The following MIS18A variants were observed in gnomAD, a reference collection of about 807,000 sequenced individuals.
The protein encoded by MIS18A is MIS18 kinetochore protein A.
In MIS18A, 14 loss-of-function variants were observed where a neutral mutation model predicts 25.0. The ratio of observed to expected loss-of-function variants is 0.56; its 90% confidence interval spans 0.37 to 0.88. The LOEUF (loss-of-function observed/expected upper bound fraction) is 0.88, where lower values mean the gene tolerates loss of function less well. MIS18A is among the 40% of genes least tolerant of loss of function. MIS18A has a pLI of 0.00. For missense variants in MIS18A, 292 were observed against 290.8 expected (o/e 1.00, Z -0.03); for synonymous variants, 134 against 118.6 (o/e 1.13, Z -0.84).
intron 2 of MIS18A, among the ~76,000 whole-genome samples, chr21:32,274,242 T>C (rs928653238): frequency 1.4e-5 from 2 of 144,282 alleles, no homozygotes; most frequent in Non-Finnish European, 3.0e-5. Context: ...AGTCTTTCTC[T>C]GTTGCCCAGG....
At chr21:32,237,764 C>A in the MIS18A span, among the ~76,000 whole-genome samples, 1 of 152,094 alleles carries the variant, frequency 6.6e-6, no homozygotes, top group Non-Finnish European at 1.5e-5. Context: ...GAAAAATGAT[C>A]ATTTTAATTA....
At chr21:32,267,354 C>T (rs2031624684), downstream of MIS18A, among the ~76,000 whole-genome samples, 1 of 152,206 alleles carries the variant, frequency 6.6e-6, no homozygotes, top group African/African-American at 2.4e-5. Flanking sequence ...ATGTGAAGAA[C>T]CCTAACAGGA....
At chr21:32,272,287 T>C (rs1435045494) in intron 2 of MIS18A, among the ~76,000 whole-genome samples, 2 of 152,228 alleles carry the variant, frequency 1.3e-5, no homozygotes, top group African/African-American at 4.8e-5. Context: ...TCACAACATA[T>C]TTCTAAAGCC....
At chr21:32,259,227 G>A in the MIS18A span, among the ~76,000 whole-genome samples, 12 of 152,084 alleles carry the variant, frequency 7.9e-5, no homozygotes, top group African/African-American at 2.4e-4. Context: ...GAGTGGCCAG[G>A]GGCTCGAGGG....
chr21:32,205,792 C>T, the MIS18A span, among the ~76,000 whole-genome samples: 1 of 152,152 alleles, frequency 6.6e-6, no homozygotes, highest in African/African-American at 2.4e-5. Flanking sequence ...CTGCTTTCTA[C>T]TCTCAGCTTG....
chr21:32,158,484 T>C, the MIS18A span, among the ~76,000 whole-genome samples: 77 of 151,586 alleles, frequency 5.1e-4, no homozygotes, highest in Middle Eastern at 3.4e-3. Context: ...TTTTTTTTTT[T>C]TCTTTTTGAG....
At chr21:32,266,774 T>C (rs534597115), downstream of MIS18A, among the ~76,000 whole-genome samples, 2 of 152,270 alleles carry the variant, frequency 1.3e-5, no homozygotes, top group South Asian at 4.2e-4. Flanking sequence ...GGCTTCATTC[T>C]TGAAGTCAGT....
the MIS18A span, among the ~76,000 whole-genome samples, chr21:32,223,428 A>C: frequency 6.6e-6 from 1 of 152,172 alleles, no homozygotes; most frequent in African/African-American, 2.4e-5. Context: ...TAGACACAAT[A>C]AAAAATGACT....
chr21:32,275,811 A>C (rs927013914), intron 1 of MIS18A, among the ~76,000 whole-genome samples: 1 of 151,896 alleles, frequency 6.6e-6, no homozygotes, highest in Non-Finnish European at 1.5e-5. Flanking sequence ...CCACTGATCC[A>C]TCCCATCAAT....
chr21:32,231,845 G>A, the MIS18A span, among the ~76,000 whole-genome samples: 6 of 151,890 alleles, frequency 4.0e-5, no homozygotes, highest in Non-Finnish European at 5.9e-5. Flanking sequence ...CTCAGGAGGC[G>A]GAGCTTGCAG....
the MIS18A span, among the ~76,000 whole-genome samples, chr21:32,219,029 T>C: frequency 6.6e-6 from 1 of 150,682 alleles, no homozygotes; most frequent in African/African-American, 2.5e-5. Context: ...GATCGTGTCA[T>C]TGCACTCTAG....
chr21:32,232,864 T>C, the MIS18A span, among the ~76,000 whole-genome samples: 1 of 152,146 alleles, frequency 6.6e-6, no homozygotes. Context: ...TATAATATTA[T>C]ATTGTATACT....
At chr21:32,222,951 A>AAG in the MIS18A span, among the ~76,000 whole-genome samples, 7 of 144,730 alleles carry the variant, frequency 4.8e-5, no homozygotes, top group African/African-American at 1.5e-4. Flanking sequence ...AAAAAAAAAA[A>AAG]AAAGAAAGAA....
the MIS18A span, among the ~76,000 whole-genome samples, chr21:32,192,998 C>T: frequency 7.9e-5 from 12 of 152,262 alleles, no homozygotes; most frequent in East Asian, 2.1e-3. Flanking sequence ...TGTGGACACA[C>T]GGGAAAACAG....
At chr21:32,229,460 G>C in the MIS18A span, among the ~76,000 whole-genome samples, 2 of 152,250 alleles carry the variant, frequency 1.3e-5, no homozygotes, top group African/African-American at 4.8e-5. Context: ...ACCGAAAGAA[G>C]GCTTTGCACT....
the MIS18A span, among the ~76,000 whole-genome samples, chr21:32,192,770 T>C: frequency 0.15 from 23,051 of 152,218 alleles, 1,854 homozygotes; most frequent in East Asian, 0.24. Flanking sequence ...CAACCAAGCG[T>C]GGCTGAATAA....
chr21:32,269,564 C>T (rs1039586010), intron 4 of MIS18A, 143 bp downstream of exon 4: 11 of 560,994 alleles, frequency 2.0e-5, no homozygotes, highest in Middle Eastern at 4.9e-4. Context: ...CAAAAATCAA[C>T]TTTACTAACA....
In MIS18A at chr21:32,270,018, A is replaced by G. The variant is rs562271518; in HGVS notation, c.525-215T>C. Among the ~76,000 whole-genome samples, 5 of 152,216 alleles carry G rather than the reference A, an allele frequency of 3.3e-5. No homozygotes were observed. In the South Asian group the frequency reaches 1.0e-3, roughly 32 times the overall value. ...GAGCCCAGGAGTTCAAGGATGCAGA[A>G]AGCTATGACCACAGCACTGCACTCC... On this transcript the variant is annotated intron_variant, in intron 3 of 4. Transcript: ENST00000290130.
the MIS18A span, among the ~76,000 whole-genome samples, chr21:32,179,084 T>C: frequency 0.013 from 2,041 of 151,546 alleles, 58 homozygotes; most frequent in African/African-American, 0.046. Flanking sequence ...TTATTTTCAA[T>C]ACTCTCTTTT....
Sources: allele counts gnomAD v4.1 joint callset (sites outside exome capture counted in the v4.1 genomes callset), GRCh38; gene constraint gnomAD v4.1.1; transcripts MANE v1.5; gene names NCBI Gene and HGNC (gene_info 2026-07-23, HGNC 2026-07-21).